Variants in GRID1 observed in about 807,000 individuals in gnomAD.
GRID1 encodes the protein glutamate receptor ionotropic, delta-1.
A neutral mutation model predicts 98.0 loss-of-function variants in GRID1; 28 were observed. The ratio of observed to expected loss-of-function variants is 0.29; its 90% CI spans 0.21 to 0.39. The LOEUF (loss-of-function observed/expected upper bound fraction) is 0.39. GRID1 is among the 10% of genes least tolerant of loss of function. The pLI is 1.00. For synonymous variants in GRID1, 553 were observed against 538.5 expected, an observed-to-expected ratio of 1.03 and a Z score of -0.37; for missense variants, 1,111 against 1,340.5, an observed-to-expected ratio of 0.83 and a Z score of 2.67.
chr10:86,230,228 A>T (rs1846429167), intron 2 of GRID1, among the ~76,000 whole-genome samples: 1 of 151,276 alleles, frequency 6.6e-6, no homozygotes, highest in Non-Finnish European at 1.5e-5. Context: ...TCCCAGAACC[A>T]CCACCCACCC....
At position 86,192,957 on chromosome 10, in the gene GRID1, G is replaced by A. The variant is rs907009311; in HGVS notation, c.520+13407C>T. Among the ~76,000 whole-genome samples the A allele has an allele frequency of 6.6e-6, 1 of 152,042 alleles. No individual in the cohort carries two copies. Among genetic ancestry groups the A allele is most frequent in the Non-Finnish European group, 1.5e-5 (1 of 67,948 alleles). On this transcript the variant is annotated intron_variant, in intron 3 of 15. Coordinates refer to ENST00000327946, the MANE Select transcript of GRID1 (RefSeq NM_017551.3). This position sits in a 1 kb window ranked among gnomAD's most constrained non-coding sequence, Gnocchi z 4.8. ...CAAACAGAATGTGTGAGAGGCCAGA[G>A]CGTGTGTCTCAGGAGAGCCCGGGAG...
At chr10:86,025,060 A>T (rs1843099484) in intron 4 of GRID1, among the ~76,000 whole-genome samples, 1 of 152,216 alleles carries the variant, frequency 6.6e-6, no homozygotes, top group African/African-American at 2.4e-5. Flanking sequence ...ATCATGTGAT[A>T]AGAGAGGCTC....
At chr10:86,333,222 T>C (rs4539223) in intron 2 of GRID1, among the ~76,000 whole-genome samples, 146,164 of 152,328 alleles carry the variant, frequency 0.96, 70,253 homozygotes, top group East Asian at 1. Context: ...ATCTCTTATC[T>C]CTCATCTTAG....
intron 8 of GRID1, among the ~76,000 whole-genome samples, chr10:85,772,534 G>A (rs1842282593): frequency 6.6e-6 from 1 of 152,080 alleles, no homozygotes; most frequent in African/African-American, 2.4e-5. Flanking sequence ...GAATCCAGGA[G>A]CTGGTTTTTT....
At chr10:85,941,152 T>C (rs1841993322) in intron 4 of GRID1, among the ~76,000 whole-genome samples, 1 of 152,214 alleles carries the variant, frequency 6.6e-6, no homozygotes, top group Admixed American at 6.5e-5. Context: ...TAGGTTCAAA[T>C]CCTGGCTGCA....
chr10:86,176,949 C>T (rs764102979), intron 3 of GRID1, among the ~76,000 whole-genome samples: 2 of 152,032 alleles, frequency 1.3e-5, no homozygotes, highest in African/African-American at 2.4e-5. Flanking sequence ...AGTGATGTCA[C>T]CAGCCAAGAC....
At chr10:85,722,387 C>G (rs1052564388) in intron 12 of GRID1, among the ~76,000 whole-genome samples, 1 of 151,902 alleles carries the variant, frequency 6.6e-6, no homozygotes, top group Non-Finnish European at 1.5e-5. Context: ...TGTCCAAGTT[C>G]TTTTTTTTGT....
At chr10:86,325,970 T>C (rs916379067) in intron 2 of GRID1, among the ~76,000 whole-genome samples, 3 of 152,218 alleles carry the variant, frequency 2.0e-5, no homozygotes, top group Non-Finnish European at 4.4e-5. Flanking sequence ...AATATAGGTA[T>C]CTACCTATGA....
In GRID1 at chr10:85,770,057, CCTAA is replaced by C. The variant is rs537731114; in HGVS notation, c.1234-40447_1234-40444del. On this transcript the variant is annotated intron_variant, in intron 8 of 15. Coordinates refer to ENST00000327946, the MANE Select transcript of GRID1 (RefSeq NM_017551.3). ...ACCCTAACCCCTGACCCCTGAGCAGCCTAACTGAGAGGCACCCCCCAGTAGGGGC... is the reference window on the plus strand; with the variant it reads ...ACCCTAACCCCTGACCCCTGAGCAGCCTGAGAGGCACCCCCCAGTAGGGGC... Among the ~76,000 whole-genome samples, 609 of 152,320 alleles carry C rather than the reference CCTAA, an allele frequency of 4.0e-3. 3 individuals carry two copies. The highest frequency in any genetic ancestry group is 0.014 in the African/African-American group (570 of 41,582).
At chr10:85,878,347 A>AAAATGTT (rs1412574374) in intron 5 of GRID1, among the ~76,000 whole-genome samples, 3 of 152,166 alleles carry the variant, frequency 2.0e-5, no homozygotes, top group African/African-American at 7.2e-5. Flanking sequence ...AATGAAGGAA[A>AAAATGTT]AAATGTTAAG....
chr10:85,868,405 T>C (rs1313808346), intron 6 of GRID1, among the ~76,000 whole-genome samples: 1 of 152,278 alleles, frequency 6.6e-6, no homozygotes, highest in Non-Finnish European at 1.5e-5. Flanking sequence ...CAAGACAAGC[T>C]AGTGCCGACT....
chr10:85,878,553 T>C (rs1033207782), intron 5 of GRID1, among the ~76,000 whole-genome samples: 2 of 152,070 alleles, frequency 1.3e-5, no homozygotes, highest in East Asian at 1.9e-4. Flanking sequence ...TAAAATACTT[T>C]ACAGACAAGC....
intron 2 of GRID1, among the ~76,000 whole-genome samples, chr10:86,338,190 G>A (rs752826981): frequency 6.6e-6 from 1 of 152,106 alleles, no homozygotes; most frequent in Non-Finnish European, 1.5e-5. Context: ...ATAGGCACAT[G>A]ACCCAGGCTG....
At position 86,366,555 on chromosome 10, in the gene GRID1, C is replaced by CCCCAGCCCAG. The variant is rs1263038309; in HGVS notation, c.-173_-164dup. ...CGCCCGCCCCTGCGCCCTGCGCCCGCCCCAGCCCAGCCCAGCCCAGCCCAG... is the reference window on the plus strand; with the variant it reads ...CGCCCGCCCCTGCGCCCTGCGCCCGCCCCAGCCCAGCCCAGCCCAGCCCAGCCCAGCCCAG... On this transcript the variant is annotated 5_prime_UTR_variant, in exon 1 of 16. Transcript: ENST00000327946. This position sits in a 1 kb window ranked among gnomAD's most constrained non-coding sequence, Gnocchi z 4.1. 5 of 289,578 alleles carry CCCCAGCCCAG rather than the reference C, an allele frequency of 1.7e-5. No individual in the cohort carries two copies. Among genetic ancestry groups the CCCCAGCCCAG allele is most frequent in the Non-Finnish European group, 2.4e-5 (4 of 163,366 alleles). The allele number at this position is 289,578 out of a possible 1,614,324, so 17.9% of individuals were successfully genotyped here.
intron 3 of GRID1, among the ~76,000 whole-genome samples, chr10:86,159,337 T>C (rs1401672853): frequency 2.0e-5 from 3 of 152,214 alleles, no homozygotes; most frequent in Admixed American, 6.5e-5. Flanking sequence ...AAGGTTATAA[T>C]GGAGCTGAAA....
intron 8 of GRID1, among the ~76,000 whole-genome samples, chr10:85,743,485 C>T (rs935445899): frequency 6.6e-6 from 1 of 152,036 alleles, no homozygotes; most frequent in Admixed American, 6.6e-5. Flanking sequence ...CCTGGAAATA[C>T]AGTGTTACAA....
chr10:85,928,247 C>T (rs572762076), intron 4 of GRID1, among the ~76,000 whole-genome samples: 2 of 152,290 alleles, frequency 1.3e-5, no homozygotes, highest in African/African-American at 2.4e-5. Flanking sequence ...TCGTTTAGGG[C>T]TGGGAGCTTG....
intron 12 of GRID1, among the ~76,000 whole-genome samples, chr10:85,695,887 G>A (rs1481469315): frequency 2.0e-5 from 3 of 152,088 alleles, no homozygotes; most frequent in Non-Finnish European, 4.4e-5. Context: ...AGAGACATTC[G>A]TGGCTTCCTA....
At chr10:86,345,640 G>A (rs1848371309) in intron 2 of GRID1, among the ~76,000 whole-genome samples, 1 of 152,194 alleles carries the variant, frequency 6.6e-6, no homozygotes, top group African/African-American at 2.4e-5. Context: ...TGACTAGCCT[G>A]TGCAATTCTG....
Sources: gnomAD v4.1 joint callset for allele counts (sites outside exome capture counted in the v4.1 genomes callset) on GRCh38, gnomAD v4.1.1 for gene constraint, Gnocchi (gnomAD v3.1) non-coding constraint, MANE v1.5 for transcripts, NCBI Gene and HGNC (gene_info 2026-07-23, HGNC 2026-07-21) for gene names.